PCDHGA4: variants seen among roughly 807,000 people sequenced by gnomAD.
PCDHGA4 encodes the protein protocadherin gamma subfamily A, 4.
In PCDHGA4, 38 loss-of-function variants were observed where a neutral mutation model predicts 54.6. The ratio of observed to expected loss-of-function variants is 0.70; its 90% confidence interval spans 0.54 to 0.91. The LOEUF (loss-of-function observed/expected upper bound fraction) is 0.91, where lower values mean the gene tolerates loss of function less well. PCDHGA4 is among the 40% of genes least tolerant of loss of function. PCDHGA4 has a pLI of 0.00. For missense variants in PCDHGA4, 1,298 were observed against 1,220.9 expected, an observed-to-expected ratio of 1.06 and a Z score of -0.94; for synonymous variants, 511 against 512.9, an observed-to-expected ratio of 1.00 and a Z score of 0.05.
chr5:141,392,855 C>T (rs756361613), intron 1 of PCDHGA4: 1 of 1,612,176 alleles, frequency 6.2e-7, no homozygotes, highest in Non-Finnish European at 8.5e-7. Flanking sequence ...GCGAGCTGAT[C>T]CTGCTGTGCG....
chr5:141,489,300 C>A lies in PCDHGA4; in HGVS notation c.2515-5507C>A. On this transcript the variant is annotated intron_variant, in intron 1 of 3. Coordinates refer to ENST00000571252, the MANE Select transcript of PCDHGA4 (RefSeq NM_018917.4). The surrounding 1 kb of genome is among the most constrained non-coding windows in gnomAD (Gnocchi z 4.5). ...AATGGCAAGTGCTGTGCATGTTGTC[C>A]TTGTGCTGCTGGGGCTGGGTGTCTG... 1 of 1,585,698 alleles carries A rather than the reference C, an allele frequency of 6.3e-7. No homozygotes were observed. Among genetic ancestry groups the A allele is most frequent in the South Asian group, 1.2e-5 (1 of 85,012 alleles).
rs1026815375 is a variant in PCDHGA4, at chr5:141,481,045, G to A, written c.2515-13762G>A. 4.6e-5 allele frequency among the ~76,000 whole-genome samples: 7 copies of A among 152,024 alleles called. No individual in the cohort carries two copies. In the South Asian group the frequency reaches 8.3e-4, roughly 18 times the overall value. ...TGCACTCCAGCCTGGGCGACAGAGCGAGACTCCACCTCAAAAACAAAAAGA... is the reference window on the plus strand; with the variant it reads ...TGCACTCCAGCCTGGGCGACAGAGCAAGACTCCACCTCAAAAACAAAAAGA... On this transcript the variant is annotated intron_variant, in intron 1 of 3. Coordinates refer to ENST00000571252, the MANE Select transcript of PCDHGA4 (RefSeq NM_018917.4).
Position 141,399,593 on chromosome 5 carries a change from C to A in PCDHGA4, c.2514+41972C>A, listed in dbSNP as rs201515317. 170 of 1,613,988 alleles carry A rather than the reference C, an allele frequency of 1.1e-4. 1 individual carries two copies. The African/African-American group carries it at 1.5e-3, about 14-fold the overall frequency. On this transcript the variant is annotated intron_variant, in intron 1 of 3. Coordinates refer to ENST00000571252, the MANE Select transcript of PCDHGA4 (RefSeq NM_018917.4). Reference sequence around the variant, plus strand: ...GGCCAAGTCTCCTACTCTATCATGGCCAGCGACCTAGAGCCTCTGGCACTG... The same window carrying A: ...GGCCAAGTCTCCTACTCTATCATGGACAGCGACCTAGAGCCTCTGGCACTG...
At chr5:141,385,865 G>T (rs1329915375) in intron 1 of PCDHGA4, 1 of 152,944 alleles carries the variant, frequency 6.5e-6, no homozygotes, top group Admixed American at 6.5e-5. Context: ...GTAGTAGAAG[G>T]TTGGATTTAT....
intron 1 of PCDHGA4, among the ~76,000 whole-genome samples, chr5:141,435,303 A>G (rs2097757060): frequency 6.6e-6 from 1 of 152,192 alleles, no homozygotes; most frequent in Admixed American, 6.5e-5. Flanking sequence ...TCATGGTTTT[A>G]AATCATTCAT....
At chr5:141,384,075 T>C in intron 1 of PCDHGA4, 1 of 1,600,788 alleles carries the variant, frequency 6.2e-7, no homozygotes, top group Non-Finnish European at 8.5e-7. Context: ...ACCTACCTTT[T>C]AAATTAGAAA....
intron 3 of PCDHGA4, among the ~76,000 whole-genome samples, chr5:141,506,402 G>C (rs1032556978): frequency 7.0e-6 from 1 of 143,732 alleles, no homozygotes; most frequent in African/African-American, 2.6e-5. Context: ...GCAGAAAATC[G>C]CACCACTGCA....
At chr5:141,414,288 C>T (rs368826232) in intron 1 of PCDHGA4, 40 of 1,613,502 alleles carry the variant, frequency 2.5e-5, no homozygotes, top group South Asian at 4.4e-5. Context: ...CAGTCGTAGC[C>T]CTTTTAAATG....
At chr5:141,424,945 C>A (rs2096849463) in intron 1 of PCDHGA4, among the ~76,000 whole-genome samples, 1 of 152,186 alleles carries the variant, frequency 6.6e-6, no homozygotes, top group Admixed American at 6.5e-5. Flanking sequence ...TCTCACATCA[C>A]TTCTAGGTAT....
chr5:141,478,096 T>C (rs749277013), intron 1 of PCDHGA4: 1 of 1,614,074 alleles, frequency 6.2e-7, no homozygotes, highest in South Asian at 1.1e-5. Context: ...CCACCACTGC[T>C]ACCCTCACTG....
chr5:141,364,258 C>G, intron 1 of PCDHGA4: 1 of 1,497,150 alleles, frequency 6.7e-7, no homozygotes, highest in East Asian at 2.3e-5. Flanking sequence ...GAATATGTAC[C>G]CATCGGCTTT....
chr5:141,379,354 C>T (rs995158490), intron 1 of PCDHGA4: 2 of 152,104 alleles, frequency 1.3e-5, no homozygotes, highest in African/African-American at 2.4e-5. Flanking sequence ...TTTCTTGTAT[C>T]TTTGTGATAT....
At chr5:141,429,169 T>TACACACACACACACACACAAAC (rs2097191391) in intron 1 of PCDHGA4, 1 of 145,394 alleles carries the variant, frequency 6.9e-6, no homozygotes, top group East Asian at 2.0e-4. Flanking sequence ...ACATTGTTTA[T>TACACACACACACACACACAAAC]ACACACACAC....
chr5:141,371,043 G>A, intron 1 of PCDHGA4: 1 of 1,613,966 alleles, frequency 6.2e-7, no homozygotes, highest in Non-Finnish European at 8.5e-7. Context: ...AGCTGTGGAT[G>A]GGGGCGAGCC....
At chr5:141,483,122 A>G (rs1159736878) in intron 1 of PCDHGA4, among the ~76,000 whole-genome samples, 1 of 152,166 alleles carries the variant, frequency 6.6e-6, no homozygotes, top group Non-Finnish European at 1.5e-5. Context: ...CAGTCTTTGT[A>G]GGAGATGAGG....
At position 141,409,990 on chromosome 5, in the gene PCDHGA4, C is replaced by G. The variant is rs377295503; in HGVS notation, c.2514+52369C>G. On this transcript the variant is annotated intron_variant, in intron 1 of 3. Transcript: ENST00000571252. The stretch of plus-strand genomic sequence containing the variant: ...TGACTAAGGTGGTAGCGGTGGACGC[C>G]GACTCGGGACACAACGCCTGGCTGT... 2.7e-5 allele frequency: 44 copies of G among 1,613,278 alleles called. No homozygotes were observed. The African/African-American group carries it at 5.3e-4, about 20-fold the overall frequency.
chr5:141,431,678 T>G lies in PCDHGA4; in HGVS notation c.2515-63129T>G. The G allele has an allele frequency of 6.2e-7, 1 of 1,614,084 alleles. No homozygotes were observed. Among genetic ancestry groups the G allele is most frequent in the Non-Finnish European group, 8.5e-7 (1 of 1,180,022 alleles). On this transcript the variant is annotated intron_variant, in intron 1 of 3. Transcript: ENST00000571252. This position sits in a 1 kb window ranked among gnomAD's most constrained non-coding sequence, Gnocchi z 4.8. ...AGGGACAATATCAACAATAGGGGAGTTGGACCACGAGGAGTCAGGATTCTA... is the reference window on the plus strand; with the variant it reads ...AGGGACAATATCAACAATAGGGGAGGTGGACCACGAGGAGTCAGGATTCTA...
chr5:141,362,142 A>G lies in PCDHGA4; in HGVS notation c.2514+4521A>G, dbSNP rs536824662. ...ACCTAATCTTCGCGGATAGCCTGCA[A>G]GAGGTATTGCCAGACCTCAGCGACC... On this transcript the variant is annotated intron_variant, in intron 1 of 3. Transcript: ENST00000571252. The G allele has an allele frequency of 3.7e-6, 6 of 1,614,046 alleles. No individual in the cohort carries two copies. In the African/African-American group the frequency reaches 8.0e-5, roughly 22 times the overall value.
At chr5:141,371,316 G>A in intron 1 of PCDHGA4, 1 of 1,614,002 alleles carries the variant, frequency 6.2e-7, no homozygotes, top group Non-Finnish European at 8.5e-7. Flanking sequence ...TGGAGAACTG[G>A]ACTTTGAAGA....
Sources: allele counts gnomAD v4.1 joint callset (sites outside exome capture counted in the v4.1 genomes callset), GRCh38; gene constraint gnomAD v4.1.1; non-coding constraint Gnocchi (gnomAD v3.1); transcripts MANE v1.5; gene names NCBI Gene and HGNC (gene_info 2026-07-23, HGNC 2026-07-21).